IL1RAPL2: variants seen among roughly 807,000 people sequenced by gnomAD.
The protein encoded by IL1RAPL2 is X-linked interleukin-1 receptor accessory protein-like 2.
IL1RAPL2 carries 3 observed loss-of-function variants against 44.1 expected under a neutral mutation model. The observed-to-expected ratio is 0.07, with a 90% CI of 0.03 to 0.18. The LOEUF is 0.18. Among genes scored for constraint, IL1RAPL2 ranks in the 10% least tolerant of loss-of-function variants. The pLI is 1.00. For missense variants in IL1RAPL2, 391 were observed against 496.4 expected, an observed-to-expected ratio of 0.79 and a Z score of 2.02; for synonymous variants, 181 against 178.8, an observed-to-expected ratio of 1.01 and a Z score of -0.10.
chrX:104,804,245 G>A (rs1475177062), intron 2 of IL1RAPL2: 5 of 111,585 alleles, frequency 4.5e-5, no homozygotes, highest in African/African-American at 1.6e-4. Flanking sequence ...GTACTACAGA[G>A]AAATGGGTGC....
At chrX:104,777,943 C>T (rs945100394) in intron 2 of IL1RAPL2, among the ~76,000 whole-genome samples, 25 of 110,994 alleles carry the variant, frequency 2.3e-4, no homozygotes, top group African/African-American at 6.2e-4. Context: ...AACCACCATA[C>T]TATTTTCTAT....
Position 104,790,469 on chromosome X carries a change from C to T in IL1RAPL2, c.82+131474C>T, listed in dbSNP as rs757638746. On this transcript the variant is annotated intron_variant, in intron 2 of 10. Coordinates refer to ENST00000372582, the MANE Select transcript of IL1RAPL2 (RefSeq NM_017416.2). ...ACTACAAGAATTTTGTTGCGATAAG[C>T]AGAAGCCAGCCTTATAGAGTGGGTT... Among the ~76,000 whole-genome samples the T allele has an allele frequency of 8.1e-5, 9 of 111,456 alleles. No homozygotes were observed. In the South Asian group the frequency reaches 2.7e-3, roughly 33 times the overall value.
chrX:104,872,685 A>G (rs1392054004), intron 2 of IL1RAPL2, among the ~76,000 whole-genome samples: 2 of 111,581 alleles, frequency 1.8e-5, no homozygotes, highest in Admixed American at 1.9e-4. Flanking sequence ...GAGTGACTAG[A>G]ACCTTTGAGT....
intron 2 of IL1RAPL2, among the ~76,000 whole-genome samples, chrX:104,950,793 G>GC (rs1354507448): frequency 9.1e-6 from 1 of 109,990 alleles, no homozygotes; most frequent in Non-Finnish European, 1.9e-5. Context: ...TGCAGGCTCC[G>GC]CCCCCTGGGG....
At chrX:105,179,431 G>A (rs1448016610) in intron 2 of IL1RAPL2, among the ~76,000 whole-genome samples, 6 of 111,775 alleles carry the variant, frequency 5.4e-5, no homozygotes, top group Non-Finnish European at 1.1e-4. Context: ...TGTGATGCCT[G>A]CAGCTTTGTT....
At chrX:104,733,059 T>C (rs750193260) in intron 2 of IL1RAPL2, among the ~76,000 whole-genome samples, 2 of 111,624 alleles carry the variant, frequency 1.8e-5, no homozygotes, top group Non-Finnish European at 3.8e-5. Context: ...GCACTTAATA[T>C]AATTCAATAT....
intron 4 of IL1RAPL2, among the ~76,000 whole-genome samples, chrX:105,236,912 T>C (rs1414999304): frequency 1.8e-5 from 2 of 111,171 alleles, no homozygotes; most frequent in Admixed American, 9.6e-5. Flanking sequence ...TTGTTACATA[T>C]GTATACATGT....
chrX:104,639,921 T>C (rs1929900655), intron 1 of IL1RAPL2, among the ~76,000 whole-genome samples: 1 of 111,885 alleles, frequency 8.9e-6, no homozygotes, highest in Non-Finnish European at 1.9e-5. Context: ...AATTCTCCCC[T>C]TTTCTTTGAG....
At chrX:104,885,030 C>G (rs1923191695) in intron 2 of IL1RAPL2, among the ~76,000 whole-genome samples, 1 of 111,738 alleles carries the variant, frequency 8.9e-6, no homozygotes, top group African/African-American at 3.3e-5. Flanking sequence ...TCAAGGAGAC[C>G]TGGGGAAGTT....
chrX:104,873,274 C>T (rs1922812561), intron 2 of IL1RAPL2, among the ~76,000 whole-genome samples: 1 of 111,230 alleles, frequency 9.0e-6, no homozygotes, highest in Non-Finnish European at 1.9e-5. Context: ...GAGGACTCCA[C>T]ATTCGTCACT....
At chrX:105,008,015 T>G (rs775600547) in intron 2 of IL1RAPL2, among the ~76,000 whole-genome samples, 30 of 113,881 alleles carry the variant, frequency 2.6e-4, no homozygotes, top group Admixed American at 2.2e-3. Context: ...GGCAATACTA[T>G]CTGTCTTAGT....
chrX:105,266,311 G>A (rs2034402259), intron 4 of IL1RAPL2, among the ~76,000 whole-genome samples: 2 of 110,788 alleles, frequency 1.8e-5, no homozygotes, highest in South Asian at 3.9e-4. Flanking sequence ...CAAAGTGCTG[G>A]GATTACAGGC....
intron 3 of IL1RAPL2, among the ~76,000 whole-genome samples, chrX:105,201,351 G>A (rs2033716055): frequency 8.9e-6 from 1 of 111,794 alleles, no homozygotes; most frequent in Non-Finnish European, 1.9e-5. Context: ...GAATCTGTAT[G>A]GTGGGTACAT....
chrX:105,281,594 T>C (rs1450198465), intron 5 of IL1RAPL2, among the ~76,000 whole-genome samples: 1 of 111,696 alleles, frequency 9.0e-6, no homozygotes, highest in African/African-American at 3.3e-5. Flanking sequence ...TATGTTTAGT[T>C]ATATTTAGAT....
At chrX:105,172,533 C>T (rs2033432578) in intron 2 of IL1RAPL2, among the ~76,000 whole-genome samples, 1 of 111,572 alleles carries the variant, frequency 9.0e-6, no homozygotes, top group South Asian at 3.8e-4. Context: ...AGGAGCTATG[C>T]TCTATTCCTA....
intron 6 of IL1RAPL2, among the ~76,000 whole-genome samples, chrX:105,662,629 C>T (rs1457868292): frequency 1.8e-5 from 2 of 112,020 alleles, no homozygotes; most frequent in African/African-American, 3.2e-5. Flanking sequence ...AGGTGTGTGT[C>T]ACCTTGGCGA....
intron 1 of IL1RAPL2, among the ~76,000 whole-genome samples, chrX:104,581,413 G>T (rs149629947): frequency 1.8e-5 from 2 of 111,409 alleles, no homozygotes; most frequent in African/African-American, 3.3e-5. Flanking sequence ...ATTCTGCAAG[G>T]GTTTTTATTT....
chrX:105,349,862 GA>G (rs2035139178), intron 5 of IL1RAPL2, among the ~76,000 whole-genome samples: 2 of 111,405 alleles, frequency 1.8e-5, no homozygotes, highest in Admixed American at 9.6e-5. Flanking sequence ...TGATGAACCA[GA>G]AAAAAATGTT....
chrX:104,608,662 C>CTTTTTTTTTTT (rs60105376), intron 1 of IL1RAPL2, among the ~76,000 whole-genome samples: 3 of 58,545 alleles, frequency 5.1e-5, no homozygotes, highest in Non-Finnish European at 8.7e-5. Context: ...GCAACCCCTG[C>CTTTTTTTTTTT]TTTTTTTTTT....
Sources: gnomAD v4.1 joint callset for allele counts (sites outside exome capture counted in the v4.1 genomes callset) on GRCh38, gnomAD v4.1.1 for gene constraint, MANE v1.5 for transcripts, NCBI Gene and HGNC (gene_info 2026-07-23, HGNC 2026-07-21) for gene names.